MITD1: variants seen among roughly 807,000 people sequenced by gnomAD.
MITD1 encodes the protein MIT domain-containing protein 1.
A neutral mutation model predicts 34.9 loss-of-function variants in MITD1; 24 were observed. The ratio of observed to expected loss-of-function variants is 0.69; its 90% confidence interval spans 0.50 to 0.97. The LOEUF is 0.97. Ranked by LOEUF, MITD1 falls within the 50% of genes least tolerant of loss-of-function variation. The probability of loss-of-function intolerance (pLI) is 0.00; values close to 1 mark genes in which losing one functional copy is unlikely to be tolerated. For synonymous variants in MITD1, 102 were observed against 101.4 expected, an observed-to-expected ratio of 1.01 and a Z score of -0.04; for missense variants, 266 against 294.6, an observed-to-expected ratio of 0.90 and a Z score of 0.71.
At position 99,162,698 on chromosome 2, in the gene MITD1, A is replaced by G. The variant is rs768631423; in HGVS notation, c.*4-480T>C. On this transcript the variant is annotated intron_variant, in intron 7 of 7. Coordinates refer to the MITD1 transcript ENST00000422537. ...ATCAAATTGATAATCACATTCACCT[A>G]ATAAACCCAACGGATGAGACACTGT... The G allele has an allele frequency of 4.3e-6, 7 of 1,614,202 alleles. No individual in the cohort carries two copies. The South Asian group carries it at 5.5e-5, about 13-fold the overall frequency.
downstream of MITD1, among the ~76,000 whole-genome samples, chr2:99,164,410 A>T (rs539445536): frequency 6.6e-6 from 1 of 152,178 alleles, no homozygotes; most frequent in East Asian, 1.9e-4. Flanking sequence ...ACAGCCTTGA[A>T]CTGGGCTCAA....
At position 99,163,127 on chromosome 2, in the gene MITD1, TC is replaced by T. The variant is rs765564362; in HGVS notation, c.*4-910del. The T allele has an allele frequency of 4.6e-6, 6 of 1,302,754 alleles. No homozygotes were observed. The South Asian group carries it at 1.1e-4, about 24-fold the overall frequency. The allele number at this position is 1,302,754 out of a possible 1,614,324, so 80.7% of individuals were successfully genotyped here. A position where few individuals can be genotyped will look rare whatever the true frequency, so the allele number is the denominator to read the frequency against. On this transcript the variant is annotated intron_variant, in intron 7 of 7. Transcript: ENST00000422537. The stretch of plus-strand genomic sequence containing the variant: ...AGTTTCAATTAGAAAATAAAATGTC[TC>T]ATACTTGCACATTGTATGTCAAAAA...
At chr2:99,170,803 G>C (rs1326836585) in intron 4 of MITD1, 151 bp from the exon 5 acceptor site, 13 of 444,058 alleles carry the variant, frequency 2.9e-5, no homozygotes, top group Admixed American at 1.1e-4. Context: ...CAACCAATGT[G>C]AGGTAGTTTA....
At chr2:99,177,476 T>C (rs1475448708) in intron 1 of MITD1, among the ~76,000 whole-genome samples, 4 of 152,214 alleles carry the variant, frequency 2.6e-5, no homozygotes, top group African/African-American at 7.2e-5. Flanking sequence ...ATGTGATGTT[T>C]TGATACATGT....
chr2:99,171,488 A>G (rs369963534), intron 3 of MITD1, 22 bp downstream of exon 3: 3 of 1,594,840 alleles, frequency 1.9e-6, no homozygotes, highest in Non-Finnish European at 2.6e-6. Flanking sequence ...ATATTTCATT[A>G]TATTTTAGTA....
At chr2:99,174,918 G>A (rs753744399) in intron 1 of MITD1, among the ~76,000 whole-genome samples, 7 of 151,462 alleles carry the variant, frequency 4.6e-5, no homozygotes, top group Non-Finnish European at 1.0e-4. Context: ...TAGAGACGGC[G>A]TTTCACCATA....
At position 99,176,428 on chromosome 2, in the gene MITD1, C is replaced by T. The variant is rs999944346; in HGVS notation, c.152-2412G>A. On this transcript the variant is annotated intron_variant, in intron 1 of 6. Transcript: ENST00000289359. ...GCAACCTCCGCCTCCCAGGTTCAAG[C>T]GATTCTCCTGCCTCAGCCTCCGGAG... Among the ~76,000 whole-genome samples, 14 of 151,822 alleles carry T rather than the reference C, an allele frequency of 9.2e-5. 1 individual carries two copies. Among genetic ancestry groups the T allele is most frequent in the Admixed American group, 7.2e-4 (11 of 15,240 alleles).
intron 1 of MITD1, among the ~76,000 whole-genome samples, chr2:99,179,060 C>A (rs2093901339): frequency 1.3e-5 from 2 of 152,332 alleles, no homozygotes; most frequent in South Asian, 4.1e-4. Flanking sequence ...ATCCTCATTG[C>A]GTTTATCTAT....
At chr2:99,172,380 G>C (rs1227525133) in intron 2 of MITD1, 2 of 144,724 alleles carry the variant, frequency 1.4e-5, no homozygotes, top group African/African-American at 5.2e-5. Flanking sequence ...GCAAGACTCT[G>C]CCTTAAAAAA....
At chr2:99,180,182 G>A (rs1019152578) in intron 1 of MITD1, among the ~76,000 whole-genome samples, 3 of 152,074 alleles carry the variant, frequency 2.0e-5, no homozygotes, top group Non-Finnish European at 2.9e-5. Context: ...AACCTCATCC[G>A]TTTAAGAAAA....
chr2:99,174,564 G>A (rs759586373), intron 1 of MITD1, among the ~76,000 whole-genome samples: 6 of 151,646 alleles, frequency 4.0e-5, no homozygotes, highest in Non-Finnish European at 7.4e-5. Context: ...TTTCAACATC[G>A]CTTATATTTT....
chr2:99,167,088 A>G (rs3111867), downstream of MITD1, among the ~76,000 whole-genome samples: 1 of 151,476 alleles, frequency 6.6e-6, no homozygotes, highest in Non-Finnish European at 1.5e-5. Flanking sequence ...TTCATACACA[A>G]TTTCTCTCTT....
At chr2:99,170,034 T>C (rs1296001169) in intron 5 of MITD1, among the ~76,000 whole-genome samples, 1 of 152,208 alleles carries the variant, frequency 6.6e-6, no homozygotes, top group Non-Finnish European at 1.5e-5. Flanking sequence ...GATTAAGTTT[T>C]TATTAAAACT....
At chr2:99,173,447 G>A (rs542172735) in intron 2 of MITD1, 54 of 469,596 alleles carry the variant, frequency 1.1e-4, no homozygotes, top group Middle Eastern at 9.8e-4. Flanking sequence ...CTTAACTCCT[G>A]AGGTGTTTTG....
downstream of MITD1, among the ~76,000 whole-genome samples, chr2:99,168,383 C>T (rs1190490255): frequency 3.3e-5 from 5 of 152,170 alleles, no homozygotes; most frequent in African/African-American, 9.7e-5. Flanking sequence ...TCAGGTGATC[C>T]GCCTGCCTTT....
At chr2:99,176,675 TGTGTGTGTGCGC>T (rs376375173) in intron 1 of MITD1, among the ~76,000 whole-genome samples, 104 of 142,908 alleles carry the variant, frequency 7.3e-4, no homozygotes, top group African/African-American at 2.5e-3. Flanking sequence ...TATGTGTGCG[TGTGTGTGTGCGC>T]GTGTGTGTGT....
intron 1 of MITD1, among the ~76,000 whole-genome samples, chr2:99,178,616 A>C (rs931597153): frequency 9.9e-5 from 15 of 152,154 alleles, no homozygotes; most frequent in African/African-American, 3.6e-4. Context: ...TTTACACTGG[A>C]GGTCTGGGAA....
At chr2:99,170,818 G>T in intron 4 of MITD1, 166 bp from the exon 5 acceptor site, 1 of 408,530 alleles carries the variant, frequency 2.4e-6, no homozygotes, top group Non-Finnish European at 4.4e-6. Flanking sequence ...AGTTTAAAGA[G>T]CAATTATTTT....
intron 1 of MITD1, among the ~76,000 whole-genome samples, chr2:99,177,602 C>A (rs1320943606): frequency 6.6e-6 from 1 of 152,038 alleles, no homozygotes; most frequent in Non-Finnish European, 1.5e-5. Context: ...TTGAAACATA[C>A]AACACATTAT....
Sources: gnomAD v4.1 joint callset for allele counts (sites outside exome capture counted in the v4.1 genomes callset) on GRCh38, gnomAD v4.1.1 for gene constraint, MANE v1.5 for transcripts, NCBI Gene and HGNC (gene_info 2026-07-23, HGNC 2026-07-21) for gene names.